Variants in SGMS1 observed in about 807,000 individuals in gnomAD.
SGMS1 encodes sphingomyelin synthase 1, also known as phosphatidylcholine:ceramide cholinephosphotransferase 1.
Under a neutral mutation model 46.2 loss-of-function variants are expected in SGMS1, and 13 were observed. That is an observed-to-expected ratio of 0.28 (90% CI 0.18 to 0.45). SGMS1 has a LOEUF of 0.45. Ranked by LOEUF, SGMS1 falls within the 20% of genes least tolerant of loss-of-function variation. The pLI, the probability that SGMS1 is intolerant of heterozygous loss-of-function variation, is 1.00. For missense variants in SGMS1, 324 were observed against 519.9 expected (o/e 0.62, Z 3.66); for synonymous variants, 203 against 187.8 (o/e 1.08, Z -0.66).
chr10:50,458,245 CTG>C (rs1380197542), intron 5 of SGMS1, among the ~76,000 whole-genome samples: 1 of 151,044 alleles, frequency 6.6e-6, no homozygotes, highest in South Asian at 2.1e-4. Flanking sequence ...AATGTCATCA[CTG>C]TGTATAATCA....
intron 2 of SGMS1, among the ~76,000 whole-genome samples, chr10:50,553,339 T>C (rs2133835332): frequency 6.6e-6 from 1 of 152,294 alleles, no homozygotes; most frequent in East Asian, 1.9e-4. Flanking sequence ...TCTTTGTTAC[T>C]CAGCTACTTC....
At chr10:50,430,406 G>C (rs1301817199) in intron 6 of SGMS1, among the ~76,000 whole-genome samples, 1 of 144,058 alleles carries the variant, frequency 6.9e-6, no homozygotes, top group African/African-American at 2.6e-5. Flanking sequence ...GTAATAACCA[G>C]ACCCATTTTA....
upstream of SGMS1, chr10:50,624,946 C>A: frequency 9.8e-7 from 1 of 1,022,798 alleles, no homozygotes; most frequent in Non-Finnish European, 1.2e-6. Context: ...GCGCTCCGGG[C>A]AGCCATCTTC....
intron 2 of SGMS1, among the ~76,000 whole-genome samples, chr10:50,552,119 G>A (rs79506833): frequency 6.1e-4 from 93 of 152,306 alleles, no homozygotes; most frequent in African/African-American, 2.2e-3. Context: ...GTTACAGTGT[G>A]CCAATCCTTG....
intron 5 of SGMS1, among the ~76,000 whole-genome samples, chr10:50,448,808 A>T (rs1012589984): frequency 2.6e-5 from 4 of 152,052 alleles, no homozygotes; most frequent in Non-Finnish European, 4.4e-5. Flanking sequence ...TGCAAAAGAC[A>T]TACTGATAAA....
Position 50,584,637 on chromosome 10 carries a change from T to C in SGMS1, c.-589+5516A>G, listed in dbSNP as rs542236060. Among the ~76,000 whole-genome samples the C allele has an allele frequency of 2.1e-4, 32 of 152,226 alleles. No homozygotes were observed. In the South Asian group the frequency reaches 5.9e-3, roughly 28 times the overall value. On this transcript the variant is annotated intron_variant, in intron 2 of 10. Transcript: ENST00000361781. ...TTCACATTCCTTCCCTGTGGTTTCT[T>C]CAGAAGCCTAAGATTTCAGAGGAAA...
intron 6 of SGMS1, among the ~76,000 whole-genome samples, chr10:50,408,681 T>TA (rs952243214): frequency 1.8e-4 from 26 of 147,726 alleles, no homozygotes; most frequent in African/African-American, 1.5e-4. Flanking sequence ...AGACTCCATT[T>TA]AAAAAAAAAA....
At chr10:50,383,468 T>C (rs1307392145) in intron 6 of SGMS1, among the ~76,000 whole-genome samples, 1 of 152,198 alleles carries the variant, frequency 6.6e-6, no homozygotes, top group Non-Finnish European at 1.5e-5. Flanking sequence ...ATGGCTTTCT[T>C]ATCTTTTGAA....
intron 1 of SGMS1, among the ~76,000 whole-genome samples, chr10:50,601,682 G>C (rs61858140): frequency 0.25 from 37,763 of 152,156 alleles, 5,066 homozygotes; most frequent in Middle Eastern, 0.34. Context: ...GCTCCATTAA[G>C]TAAGGGCCTA....
chr10:50,350,056 GC>G (rs754688917), intron 6 of SGMS1, among the ~76,000 whole-genome samples: 1 of 152,202 alleles, frequency 6.6e-6, no homozygotes, highest in Non-Finnish European at 1.5e-5. Context: ...TTGTTGAATG[GC>G]TTTTCCCAAA....
At chr10:50,531,835 T>C (rs187620187) in intron 2 of SGMS1, among the ~76,000 whole-genome samples, 33 of 152,240 alleles carry the variant, frequency 2.2e-4, no homozygotes, top group African/African-American at 7.2e-4. Flanking sequence ...ATCCAAGCAA[T>C]AGCATGATAA....
chr10:50,504,624 AAC>A (rs567866585), intron 3 of SGMS1, among the ~76,000 whole-genome samples: 307 of 152,244 alleles, frequency 2.0e-3, no homozygotes, highest in African/African-American at 7.0e-3. Context: ...CAGGGATTTA[AAC>A]AGAGATCTAA....
At chr10:50,517,591 CAG>C (rs1250896399) in intron 3 of SGMS1, among the ~76,000 whole-genome samples, 13 of 151,864 alleles carry the variant, frequency 8.6e-5, no homozygotes, top group Admixed American at 8.5e-4. Flanking sequence ...CAGAAGATGA[CAG>C]AGAGAATGAA....
intron 5 of SGMS1, among the ~76,000 whole-genome samples, chr10:50,442,769 T>C (rs1849562256): frequency 6.6e-6 from 1 of 152,230 alleles, no homozygotes; most frequent in Non-Finnish European, 1.5e-5. Flanking sequence ...TATTAGACCT[T>C]TGTCAAATGT....
chr10:50,315,844 G>GT (rs1183799084), intron 8 of SGMS1, among the ~76,000 whole-genome samples: 1 of 152,160 alleles, frequency 6.6e-6, no homozygotes, highest in Non-Finnish European at 1.5e-5. Flanking sequence ...CCAATAACCA[G>GT]TAAAAACAGG....
intron 2 of SGMS1, among the ~76,000 whole-genome samples, chr10:50,563,029 C>A (rs1039579082): frequency 1.3e-5 from 2 of 152,192 alleles, no homozygotes; most frequent in Non-Finnish European, 2.9e-5. Flanking sequence ...CATTAAAGTT[C>A]CCGACAGCTT....
intron 2 of SGMS1, among the ~76,000 whole-genome samples, chr10:50,568,893 CA>C (rs892691558): frequency 2.6e-5 from 4 of 151,902 alleles, no homozygotes; most frequent in Non-Finnish European, 5.9e-5. Flanking sequence ...GACTTGGAAC[CA>C]ACCCAAACGC....
chr10:50,402,581 T>C (rs1005732302), intron 6 of SGMS1, among the ~76,000 whole-genome samples: 7 of 152,180 alleles, frequency 4.6e-5, no homozygotes, highest in Non-Finnish European at 1.0e-4. Flanking sequence ...GTATATAGAT[T>C]ATTTGAATTG....
chr10:50,508,333 A>G (rs774777315), intron 3 of SGMS1, among the ~76,000 whole-genome samples: 1 of 152,178 alleles, frequency 6.6e-6, no homozygotes, highest in Non-Finnish European at 1.5e-5. Flanking sequence ...AGTAGGCCAC[A>G]TGGGCTGTAG....
Sources: allele counts gnomAD v4.1 joint callset (sites outside exome capture counted in the v4.1 genomes callset), GRCh38; gene constraint gnomAD v4.1.1; transcripts MANE v1.5; gene names NCBI Gene and HGNC (gene_info 2026-07-23, HGNC 2026-07-21).